Variants in AKT3 observed in about 807,000 individuals in gnomAD.
The protein encoded by AKT3 is RAC-gamma serine/threonine-protein kinase.
AKT3 carries 15 observed loss-of-function variants against 65.3 expected under a neutral mutation model. The ratio of observed to expected loss-of-function variants is 0.23; its 90% CI spans 0.15 to 0.35. The LOEUF is 0.35. Ranked by LOEUF, AKT3 falls within the 10% of genes least tolerant of loss-of-function variation. AKT3 has a pLI of 1.00. For synonymous variants in AKT3, 206 were observed against 183.8 expected, an observed-to-expected ratio of 1.12 and a Z score of -0.98; for missense variants, 243 against 576.5, an observed-to-expected ratio of 0.42 and a Z score of 5.92.
At position 243,694,689 on chromosome 1, in the gene AKT3, C is replaced by T. The variant is rs1047162944; in HGVS notation, c.172+902G>A. Among the ~76,000 whole-genome samples, 7 of 151,898 alleles carry T rather than the reference C, an allele frequency of 4.6e-5. No individual in the cohort carries two copies. In the East Asian group the frequency reaches 9.6e-4, roughly 21 times the overall value. Reference sequence around the variant, plus strand: ...AAACAATAGGAGTAAAAAAAGATCACGGCTTTTATAATGGTAAAATGAAAT... The same window carrying T: ...AAACAATAGGAGTAAAAAAAGATCATGGCTTTTATAATGGTAAAATGAAAT... On this transcript the variant is annotated intron_variant, in intron 3 of 13. Transcript: ENST00000673466.
chr1:243,613,641 T>A (rs1243188066), intron 8 of AKT3, 30 bp downstream of exon 8: 1 of 1,503,108 alleles, frequency 6.7e-7, no homozygotes, highest in Non-Finnish European at 9.1e-7. Flanking sequence ...AATACTACCA[T>A]GCAAATACTG....
At chr1:243,649,783 T>C (rs1252144613) in intron 4 of AKT3, among the ~76,000 whole-genome samples, 1 of 152,174 alleles carries the variant, frequency 6.6e-6, no homozygotes, top group Non-Finnish European at 1.5e-5. Context: ...ATGGTGTATA[T>C]GTACCACACT....
rs569669689 is a variant in AKT3 at position 243,772,866 on chromosome 1, G to C, written c.46+70259C>G. On this transcript the variant is annotated intron_variant, in intron 2 of 13. Coordinates refer to ENST00000673466, the MANE Select transcript of AKT3 (RefSeq NM_005465.7). ...GGAATACTATGCAGCCATAAAAAAG[G>C]ATGAGTTCATGTCCTTTGTAGGGAC... is the stretch of plus-strand genomic sequence containing the variant. Among the ~76,000 whole-genome samples, 34 of 152,168 alleles carry C rather than the reference G, an allele frequency of 2.2e-4. No homozygotes were observed. In the South Asian group the frequency reaches 6.9e-3, roughly 31 times the overall value.
chr1:243,755,188 C>A (rs185339325), intron 2 of AKT3, among the ~76,000 whole-genome samples: 1 of 152,058 alleles, frequency 6.6e-6, no homozygotes, highest in African/African-American at 2.4e-5. Context: ...CATGCCTCAG[C>A]CTCCAGAGCA....
chr1:243,710,446 A>C (rs1022787233), intron 2 of AKT3, among the ~76,000 whole-genome samples: 1 of 152,204 alleles, frequency 6.6e-6, no homozygotes, highest in Non-Finnish European at 1.5e-5. Context: ...ACTCCATTCA[A>C]AAGTGAGCGT....
At chr1:243,548,525 T>C (rs887048267) in intron 11 of AKT3, among the ~76,000 whole-genome samples, 1 of 152,204 alleles carries the variant, frequency 6.6e-6, no homozygotes, top group African/African-American at 2.4e-5. Context: ...ACTTCTTCAA[T>C]GTGTGAAACT....
chr1:243,838,878 T>C (rs934527753), intron 2 of AKT3, among the ~76,000 whole-genome samples: 3 of 152,168 alleles, frequency 2.0e-5, no homozygotes, highest in African/African-American at 4.8e-5. Context: ...GAATACAACA[T>C]GAAAGTTCAG....
At chr1:243,817,479 G>A (rs1273662591) in intron 2 of AKT3, among the ~76,000 whole-genome samples, 2 of 152,190 alleles carry the variant, frequency 1.3e-5, no homozygotes, top group East Asian at 3.9e-4. Context: ...GGTGGCTCAC[G>A]CCTGTAATCC....
At chr1:243,664,677 A>G in intron 4 of AKT3, 95 bp downstream of exon 4, 1 of 422,662 alleles carries the variant, frequency 2.4e-6, no homozygotes, top group East Asian at 5.0e-5. Context: ...AAAAAAATAT[A>G]TTTATATATA....
chr1:243,579,826 T>C (rs1675203025), intron 8 of AKT3, among the ~76,000 whole-genome samples: 2 of 152,158 alleles, frequency 1.3e-5, no homozygotes, highest in Non-Finnish European at 2.9e-5. Flanking sequence ...CATGACAATA[T>C]ATGATAAAGT....
chr1:243,844,002 G>T (rs1237206294), intron 1 of AKT3, among the ~76,000 whole-genome samples: 1 of 151,914 alleles, frequency 6.6e-6, no homozygotes, highest in Non-Finnish European at 1.5e-5. Flanking sequence ...CATCATTTAC[G>T]TATTCTTACT....
intron 12 of AKT3, among the ~76,000 whole-genome samples, chr1:243,535,031 A>G (rs1014613639): frequency 3.3e-5 from 5 of 151,714 alleles, no homozygotes; most frequent in African/African-American, 1.2e-4. Flanking sequence ...AAAACTAACA[A>G]AAGCAAAAGC....
intron 2 of AKT3, among the ~76,000 whole-genome samples, chr1:243,809,392 G>A (rs1302043252): frequency 6.6e-6 from 1 of 152,144 alleles, no homozygotes; most frequent in Non-Finnish European, 1.5e-5. Flanking sequence ...CCTAGTCTCT[G>A]ATAAAACAGA....
intron 2 of AKT3, among the ~76,000 whole-genome samples, chr1:243,727,834 AT>A (rs1471077196): frequency 2.0e-5 from 3 of 152,196 alleles, no homozygotes; most frequent in Non-Finnish European, 4.4e-5. Flanking sequence ...AAACTAAAAA[AT>A]TTGATATAAT....
At chr1:243,583,951 GA>G (rs150823055) in intron 8 of AKT3, among the ~76,000 whole-genome samples, 4,566 of 148,864 alleles carry the variant, frequency 0.031, 112 homozygotes, top group Middle Eastern at 0.2. Context: ...GCTAGCAGAA[GA>G]AAAAAAAATA....
intron 9 of AKT3, among the ~76,000 whole-genome samples, chr1:243,572,503 G>C (rs1478967838): frequency 6.6e-6 from 1 of 152,056 alleles, no homozygotes; most frequent in Non-Finnish European, 1.5e-5. Context: ...ATTAATAAAT[G>C]GTTATTATAT....
intron 8 of AKT3, among the ~76,000 whole-genome samples, chr1:243,584,105 T>G (rs1675619154): frequency 6.6e-6 from 1 of 151,946 alleles, no homozygotes; most frequent in Admixed American, 6.6e-5. Context: ...AGAGAAGATA[T>G]AAATAACCAC....
chr1:243,593,185 T>C (rs1471371925), intron 8 of AKT3, among the ~76,000 whole-genome samples: 1 of 152,152 alleles, frequency 6.6e-6, no homozygotes, highest in Non-Finnish European at 1.5e-5. Context: ...GAGGCCAGCA[T>C]TGCCACAATA....
chr1:243,724,024 T>G (rs569133188), intron 2 of AKT3, among the ~76,000 whole-genome samples: 1 of 152,320 alleles, frequency 6.6e-6, no homozygotes, highest in Admixed American at 6.5e-5. Flanking sequence ...CCTATGAAAT[T>G]TATATCCTTA....
Sources: gnomAD v4.1 joint callset for allele counts (sites outside exome capture counted in the v4.1 genomes callset) on GRCh38, gnomAD v4.1.1 for gene constraint, MANE v1.5 for transcripts, NCBI Gene and HGNC (gene_info 2026-07-23, HGNC 2026-07-21) for gene names.